Variants in PRTG observed in about 807,000 individuals in gnomAD.
The protein encoded by PRTG is protogenin.
A neutral mutation model predicts 122.5 loss-of-function variants in PRTG; 67 were observed. The ratio of observed to expected loss-of-function variants is 0.55; its 90% CI spans 0.45 to 0.67. PRTG has a LOEUF of 0.67. PRTG is among the 30% of genes least tolerant of loss of function. The probability of loss-of-function intolerance (pLI) is 0.00; values close to 1 mark genes in which losing one functional copy is unlikely to be tolerated. For missense variants in PRTG, 1,435 were observed against 1,415.4 expected (o/e 1.01, Z -0.22); for synonymous variants, 554 against 501.1 (o/e 1.11, Z -1.41).
intron 15 of PRTG, among the ~76,000 whole-genome samples, chr15:55,633,907 A>G (rs764140592): frequency 4.6e-5 from 7 of 152,178 alleles, no homozygotes; most frequent in Admixed American, 1.3e-4. Context: ...CCTGTGCACT[A>G]TTATATAGCT....
chr15:55,683,764 C>T (rs1383923167), intron 3 of PRTG, 23 bp downstream of exon 3: 1 of 1,599,484 alleles, frequency 6.3e-7, no homozygotes, highest in East Asian at 2.2e-5. Flanking sequence ...ATATCATCTC[C>T]AAAGACAAAA....
chr15:55,666,346 G>C (rs2059439351), intron 11 of PRTG, among the ~76,000 whole-genome samples: 1 of 152,132 alleles, frequency 6.6e-6, no homozygotes, highest in Non-Finnish European at 1.5e-5. Flanking sequence ...CTTTTCATAG[G>C]CTCTATCTCC....
At chr15:55,714,787 GCTT>G (rs2030537389) in intron 2 of PRTG, among the ~76,000 whole-genome samples, 1 of 152,124 alleles carries the variant, frequency 6.6e-6, no homozygotes, top group Non-Finnish European at 1.5e-5. Flanking sequence ...AAATTGAGCA[GCTT>G]CTTAAATAAA....
intron 2 of PRTG, among the ~76,000 whole-genome samples, chr15:55,711,644 A>G (rs2030392459): frequency 6.6e-6 from 1 of 152,060 alleles, no homozygotes. Flanking sequence ...CCAACAACCA[A>G]CTATGTGACT....
At chr15:55,620,642 T>C (rs1361595494) in intron 19 of PRTG, 21 bp downstream of exon 19, 1 of 1,565,310 alleles carries the variant, frequency 6.4e-7, no homozygotes, top group East Asian at 2.3e-5. Context: ...GCCAAAAATT[T>C]TTCTCATTTA....
At position 55,692,835 on chromosome 15, in the gene PRTG, C is replaced by CTTTT. The variant is rs774248341; in HGVS notation, c.398-8908_398-8905dup. Among the ~76,000 whole-genome samples the CTTTT allele has an allele frequency of 3.1e-3, 236 of 74,970 alleles. 4 individuals carry two copies. Among genetic ancestry groups the CTTTT allele is most frequent in the Non-Finnish European group, 3.8e-3 (160 of 42,130 alleles). The allele number at this position is 74,970 out of a possible 152,430, so 49.2% of individuals were successfully genotyped here. ...TGTTTTTCCAATTTTAATGCAATCT[C>CTTTT]TTTTTTTTTTTTTTTTTTTTTTTGA... On this transcript the variant is annotated intron_variant, in intron 2 of 19. Coordinates refer to ENST00000389286, the MANE Select transcript of PRTG (RefSeq NM_173814.6).
chr15:55,614,782 T>TC lies in PRTG; in HGVS notation c.*5229dup, dbSNP rs2059134995. ...TTTTCATGCTTTTAATCTTTAAAGA[T>TC]CCCCAAGGGGCACATGACCTCAGAT... On this transcript the variant is annotated 3_prime_UTR_variant, in exon 20 of 20. Coordinates refer to ENST00000389286, the MANE Select transcript of PRTG (RefSeq NM_173814.6). 1 of 152,102 alleles carries TC rather than the reference T, an allele frequency of 6.6e-6. No individual in the cohort carries two copies. The highest frequency in any genetic ancestry group is 1.5e-5 in the Non-Finnish European group (1 of 67,980). 9.4% of individuals were successfully genotyped at this position (152,102 alleles called of 1,614,324 possible). A position where few individuals can be genotyped will look rare whatever the true frequency, so the allele number is the denominator to read the frequency against.
At chr15:55,698,952 A>G (rs867377458) in intron 2 of PRTG, among the ~76,000 whole-genome samples, 1 of 152,098 alleles carries the variant, frequency 6.6e-6, no homozygotes, top group Non-Finnish European at 1.5e-5. Context: ...ATAACTGCGC[A>G]TGACTAGTCT....
In PRTG at chr15:55,612,697, A is replaced by AATATATATATAT. The variant is rs59773365; in HGVS notation, c.*7303_*7314dup. The AATATATATATAT allele has an allele frequency of 6.6e-5, 8 of 120,744 alleles. No homozygotes were observed. The highest frequency in any genetic ancestry group is 9.3e-5 in the African/African-American group (2 of 21,392). 7.5% of individuals were successfully genotyped at this position (120,744 alleles called of 1,614,324 possible). On this transcript the variant is annotated 3_prime_UTR_variant, in exon 20 of 20. Coordinates refer to ENST00000389286, the MANE Select transcript of PRTG (RefSeq NM_173814.6). Reference sequence around the variant, plus strand: ...TTCTCTCTTTAACTCTTTAAAAGCCAATATATATATATATATATATATATA... The same window carrying AATATATATATAT: ...TTCTCTCTTTAACTCTTTAAAAGCCAATATATATATATATATATATATATATATATATATATA...
chr15:55,682,356 C>T lies in PRTG; in HGVS notation c.676+8G>A, dbSNP rs752653930. 1.0e-5 allele frequency: 16 copies of T among 1,573,172 alleles called. No homozygotes were observed. The highest frequency in any genetic ancestry group is 4.7e-5 in the South Asian group (4 of 85,288). ...TCATAAAAATGGAAAAACCACTCTG[C>T]GTGGTACCTGGAATCACAGTTAGCG... is the stretch of plus-strand genomic sequence containing the variant. On this transcript the variant is annotated splice_region_variant and intron_variant, in intron 4 of 19. Coordinates refer to ENST00000389286, the MANE Select transcript of PRTG (RefSeq NM_173814.6).
At chr15:55,643,184 T>C (rs2059302082) in intron 11 of PRTG, among the ~76,000 whole-genome samples, 1 of 152,204 alleles carries the variant, frequency 6.6e-6, no homozygotes. Context: ...TAATATTTAA[T>C]ATTAAAATTC....
Position 55,677,807 on chromosome 15 carries a change from C to G in PRTG, c.1371G>C (p.Met457Ile). 6.2e-7 allele frequency: 1 copy of G among 1,613,656 alleles called. No individual in the cohort carries two copies. ...CCTAAAATCGCTTACCTTCTGCTTT[C>G]ATGTAGTGTACAGAATAGGCAATGA... ...DKVIAYSVHY[M>I]KAEGLNNEEY... Residue 457 changes from methionine (M) to isoleucine (I), a missense_variant, in exon 8 of 20, where the codon ATG (methionine) becomes ATC (isoleucine). Met to Ile is a conservative substitution (Grantham distance 10). Transcript: ENST00000389286.
At chr15:55,678,150 A>G in intron 7 of PRTG, 106 bp from the exon 8 acceptor site, 2 of 711,306 alleles carry the variant, frequency 2.8e-6, no homozygotes, top group Non-Finnish European at 4.5e-6. Context: ...TTTTAAAATT[A>G]AAATTAAAAT....
intron 2 of PRTG, among the ~76,000 whole-genome samples, chr15:55,704,178 C>G (rs2029993958): frequency 6.6e-6 from 1 of 152,198 alleles, no homozygotes; most frequent in Non-Finnish European, 1.5e-5. Context: ...CCAAGAGATG[C>G]CTTTCTTATG....
In PRTG at chr15:55,679,435, TGAA is replaced by T; in HGVS notation, c.981_983del (p.Ser328del). On this transcript the variant is annotated inframe_deletion, in exon 7 of 20. Transcript: ENST00000389286. Reference sequence around the variant, plus strand: ...TTAAACTTTCTGGCCATTCAACAAATGAAGGAGGAGCTATTTTTAAAGAAAAAA... The same window carrying T: ...TTAAACTTTCTGGCCATTCAACAAATGGAGGAGCTATTTTTAAAGAAAAAA... 6.2e-7 allele frequency: 1 copy of T among 1,608,312 alleles called. No individual in the cohort carries two copies. The highest frequency in any genetic ancestry group is 8.5e-7 in the Non-Finnish European group (1 of 1,176,896).
At chr15:55,720,141 G>A (rs2030758444) in intron 2 of PRTG, among the ~76,000 whole-genome samples, 1 of 151,914 alleles carries the variant, frequency 6.6e-6, no homozygotes, top group African/African-American at 2.4e-5. Flanking sequence ...CACTTTGGGA[G>A]GCCGAGGCAG....
At position 55,679,448 on chromosome 15, in the gene PRTG, ATTTTT is replaced by A; in HGVS notation, c.974-8_974-4del. ...CCATTCAACAAATGAAGGAGGAGCT[ATTTTT>A]AAAGAAAAAAATGAAATATTTCTGT... is the stretch of plus-strand genomic sequence containing the variant. On this transcript the variant is annotated splice_polypyrimidine_tract_variant and splice_region_variant and intron_variant, in intron 6 of 19. Coordinates refer to ENST00000389286, the MANE Select transcript of PRTG (RefSeq NM_173814.6). The A allele has an allele frequency of 6.2e-7, 1 of 1,603,250 alleles. No individual in the cohort carries two copies. Among genetic ancestry groups the A allele is most frequent in the African/African-American group, 1.3e-5 (1 of 74,618 alleles).
intron 2 of PRTG, among the ~76,000 whole-genome samples, chr15:55,727,335 C>T (rs2031070243): frequency 6.6e-6 from 1 of 151,642 alleles, no homozygotes; most frequent in Non-Finnish European, 1.5e-5. Flanking sequence ...TTACTACTGA[C>T]TTAAAAAAAA....
intron 6 of PRTG, 200 bp from the exon 7 acceptor site, chr15:55,679,645 A>T: frequency 3.9e-6 from 2 of 507,398 alleles, no homozygotes; most frequent in Non-Finnish European, 7.0e-6. Context: ...TGATTTCCCT[A>T]TTCAGAGCAT....
Sources: allele counts gnomAD v4.1 joint callset (sites outside exome capture counted in the v4.1 genomes callset), GRCh38; gene constraint gnomAD v4.1.1; transcripts MANE v1.5; gene names NCBI Gene and HGNC (gene_info 2026-07-23, HGNC 2026-07-21).